The following SMU1 variants were observed in gnomAD, a reference collection of about 807,000 sequenced individuals.
SMU1 encodes WD40 repeat-containing protein SMU1.
A neutral mutation model predicts 62.0 loss-of-function variants in SMU1; 2 were observed. That is an observed-to-expected ratio of 0.03 (90% CI 0.01 to 0.10). The LOEUF (loss-of-function observed/expected upper bound fraction) is 0.10, where lower values mean the gene tolerates loss of function less well. Ranked by LOEUF, SMU1 falls within the 10% of genes least tolerant of loss-of-function variation. The pLI, the probability that SMU1 is intolerant of heterozygous loss-of-function variation, is 1.00. For missense variants in SMU1, 227 were observed against 622.1 expected (o/e 0.36, Z 6.76); for synonymous variants, 188 against 212.4 (o/e 0.89, Z 1.00).
chr9:33,058,953 T>G (rs1157044847), intron 6 of SMU1, among the ~76,000 whole-genome samples: 1 of 151,848 alleles, frequency 6.6e-6, no homozygotes, highest in African/African-American at 2.4e-5. Flanking sequence ...AACAGAAAAA[T>G]GGGCAAAAGA....
chr9:33,066,532 G>A (rs1231933197), intron 4 of SMU1, among the ~76,000 whole-genome samples: 1 of 117,942 alleles, frequency 8.5e-6, no homozygotes, highest in Non-Finnish European at 2.0e-5. Context: ...AAAAGGCTGG[G>A]TGCGGTGGCT....
In SMU1 at chr9:33,076,669, A is replaced by G; in HGVS notation, c.-61T>C. Reference sequence around the variant, plus strand: ...CTCAAGGCCAGTCGCGCAACACACCAACGACACCTCCGGCGGACACCTAAC... The same window carrying G: ...CTCAAGGCCAGTCGCGCAACACACCGACGACACCTCCGGCGGACACCTAAC... On this transcript the variant is annotated 5_prime_UTR_variant, in exon 1 of 12. Transcript: ENST00000397149. The G allele has an allele frequency of 6.2e-7, 1 of 1,611,468 alleles. No individual in the cohort carries two copies. Among genetic ancestry groups the G allele is most frequent in the Non-Finnish European group, 8.5e-7 (1 of 1,178,832 alleles).
rs1839149739 is a variant in SMU1, at chr9:33,043,657, C to G, written c.*3636G>C. 6.6e-6 allele frequency: 1 copy of G among 152,156 alleles called. No individual in the cohort carries two copies. Among genetic ancestry groups the G allele is most frequent in the Non-Finnish European group, 1.5e-5 (1 of 68,032 alleles). The allele number at this position is 152,156 out of a possible 1,614,324, so 9.4% of individuals were successfully genotyped here. On this transcript the variant is annotated 3_prime_UTR_variant, in exon 12 of 12. Coordinates refer to ENST00000397149, the MANE Select transcript of SMU1 (RefSeq NM_018225.3). Reference sequence around the variant, plus strand: ...CATGTGGAGGAACAATCCATGTATTCTTTGTCCCTGCCCAAACCTAAAGAT... The same window carrying G: ...CATGTGGAGGAACAATCCATGTATTGTTTGTCCCTGCCCAAACCTAAAGAT...
At chr9:33,050,572 A>G (rs1839232744) in intron 10 of SMU1, among the ~76,000 whole-genome samples, 1 of 151,366 alleles carries the variant, frequency 6.6e-6, no homozygotes, top group Admixed American at 6.6e-5. Flanking sequence ...TCAGGCCTGT[A>G]ATCCCAGCAC....
intron 4 of SMU1, among the ~76,000 whole-genome samples, chr9:33,063,900 T>C (rs1020885507): frequency 2.0e-5 from 3 of 151,742 alleles, no homozygotes; most frequent in African/African-American, 7.3e-5. Context: ...TAAGTAGAAA[T>C]AGAATACCCT....
chr9:33,072,110 G>A (rs1364204519), intron 2 of SMU1, among the ~76,000 whole-genome samples: 1 of 141,806 alleles, frequency 7.1e-6, no homozygotes, highest in African/African-American at 3.1e-5. Context: ...AAGATGGGCG[G>A]ATCACTTGAG....
At chr9:33,065,980 A>G (rs1366781777) in intron 4 of SMU1, among the ~76,000 whole-genome samples, 1 of 152,140 alleles carries the variant, frequency 6.6e-6, no homozygotes, top group Non-Finnish European at 1.5e-5. Context: ...CACTCTCAAG[A>G]TATGGTTTAG....
At chr9:33,049,645 ATGAGGCCAGAT>A (rs1260172802) in intron 10 of SMU1, among the ~76,000 whole-genome samples, 3 of 152,192 alleles carry the variant, frequency 2.0e-5, no homozygotes, top group Non-Finnish European at 4.4e-5. Flanking sequence ...TGTCAAGAAA[ATGAGGCCAGAT>A]GCAGTGGCTC....
At chr9:33,066,847 C>CA (rs1007763082) in intron 4 of SMU1, among the ~76,000 whole-genome samples, 1 of 151,328 alleles carries the variant, frequency 6.6e-6, no homozygotes, top group African/African-American at 2.4e-5. Context: ...TAAGACCTAC[C>CA]AAAAAAATAA....
chr9:33,062,473 T>C (rs983511126), intron 4 of SMU1, among the ~76,000 whole-genome samples: 5 of 152,156 alleles, frequency 3.3e-5, no homozygotes, highest in African/African-American at 4.8e-5. Context: ...AGATCTCCCA[T>C]AGTTCTAACA....
In SMU1 at chr9:33,062,303, AT is replaced by A. The variant is rs1256435809; in HGVS notation, c.502-127del. The A allele has an allele frequency of 9.5e-6, 12 of 1,259,554 alleles. No homozygotes were observed. The East Asian group carries it at 2.6e-4, about 27-fold the overall frequency. The allele number at this position is 1,259,554 out of a possible 1,614,324, so 78.0% of individuals were successfully genotyped here. ...GCTGTGAGCCATCTAAACCCCAACT[AT>A]TTTTGGCCATCCAAACATAAAGTAA... is the stretch of plus-strand genomic sequence containing the variant. On this transcript the variant is annotated intron_variant, in intron 4 of 11. Coordinates refer to ENST00000397149, the MANE Select transcript of SMU1 (RefSeq NM_018225.3).
intron 8 of SMU1, among the ~76,000 whole-genome samples, chr9:33,056,552 C>T (rs1156426503): frequency 6.6e-6 from 1 of 152,086 alleles, no homozygotes; most frequent in East Asian, 1.9e-4. Flanking sequence ...GTATAACAGA[C>T]CCTCTAAAGT....
At position 33,058,462 on chromosome 9, in the gene SMU1, C is replaced by T. The variant is rs554330073; in HGVS notation, c.751-748G>A. On this transcript the variant is annotated intron_variant, in intron 6 of 11. Transcript: ENST00000397149. ...TTCCTAAGTAGCCGGGATTACAGGT[C>T]CGCACCAAAACACCCAGCTAATTTT... Among the ~76,000 whole-genome samples, 14 of 152,202 alleles carry T rather than the reference C, an allele frequency of 9.2e-5. No homozygotes were observed. In the South Asian group the frequency reaches 2.9e-3, roughly 32 times the overall value.
rs947719627 is a variant in SMU1, at chr9:33,042,438, G to C, written c.*4855C>G. On this transcript the variant is annotated 3_prime_UTR_variant, in exon 12 of 12. Coordinates refer to ENST00000397149, the MANE Select transcript of SMU1 (RefSeq NM_018225.3). ...AAATACAAGTTCCAGCACTAACTCTGCTTTCTCTGTGATGCTTCTCCTGCC... is the reference window on the plus strand; with the variant it reads ...AAATACAAGTTCCAGCACTAACTCTCCTTTCTCTGTGATGCTTCTCCTGCC... The C allele has an allele frequency of 2.6e-5, 4 of 152,560 alleles. No homozygotes were observed. Among genetic ancestry groups the C allele is most frequent in the African/African-American group, 9.7e-5 (4 of 41,450 alleles). 9.5% of individuals were successfully genotyped at this position (152,560 alleles called of 1,614,324 possible).
At chr9:33,075,003 G>A (rs1039135961) in intron 1 of SMU1, among the ~76,000 whole-genome samples, 4 of 152,078 alleles carry the variant, frequency 2.6e-5, no homozygotes, top group Non-Finnish European at 4.4e-5. Context: ...AAACTTCTGG[G>A]CTCAAGTGAT....
chr9:33,067,019 T>C (rs542641941), intron 4 of SMU1, among the ~76,000 whole-genome samples: 3 of 152,098 alleles, frequency 2.0e-5, no homozygotes, highest in African/African-American at 7.2e-5. Context: ...CTAGAAATAC[T>C]CAGGCTGGAC....
At chr9:33,061,757 A>G (rs955707855) in intron 5 of SMU1, among the ~76,000 whole-genome samples, 1 of 152,214 alleles carries the variant, frequency 6.6e-6, no homozygotes, top group African/African-American at 2.4e-5. Flanking sequence ...GGTGTAACCA[A>G]AAAAGAACTA....
In SMU1 at chr9:33,046,353, AGAAGGAGAG is replaced by A. The variant is rs1196321009; in HGVS notation, c.*931_*939del. The A allele has an allele frequency of 6.6e-6, 1 of 152,194 alleles. No individual in the cohort carries two copies. The allele number at this position is 152,194 out of a possible 1,614,324, so 9.4% of individuals were successfully genotyped here. A position where few individuals can be genotyped will look rare whatever the true frequency, so the allele number is the denominator to read the frequency against. Reference sequence around the variant, plus strand: ...CTGAACATGTGAGAAGGCACAGCTCAGAAGGAGAGGAAGGCTGAGGGCAGTGAAATGAGA... The same window carrying A: ...CTGAACATGTGAGAAGGCACAGCTCAGAAGGCTGAGGGCAGTGAAATGAGA... On this transcript the variant is annotated 3_prime_UTR_variant, in exon 12 of 12. Transcript: ENST00000397149.
At chr9:33,047,997 T>C in intron 11 of SMU1, 109 bp downstream of exon 11, 1 of 972,844 alleles carries the variant, frequency 1.0e-6, no homozygotes. Flanking sequence ...ACAACATATT[T>C]TATACTGAGG....
Sources: gnomAD v4.1 joint callset for allele counts (sites outside exome capture counted in the v4.1 genomes callset) on GRCh38, gnomAD v4.1.1 for gene constraint, MANE v1.5 for transcripts, NCBI Gene and HGNC (gene_info 2026-07-23, HGNC 2026-07-21) for gene names.